Variants in NDC1 observed in about 807,000 individuals in gnomAD.
The protein encoded by NDC1 is NDC1 transmembrane nucleoporin, also known as nucleoporin NDC1.
A neutral mutation model predicts 89.8 loss-of-function variants in NDC1; 24 were observed. That is an observed-to-expected ratio of 0.27 (90% confidence interval 0.19 to 0.38). The LOEUF is 0.38. Ranked by LOEUF, NDC1 falls within the 10% of genes least tolerant of loss-of-function variation. The pLI is 1.00. For synonymous variants in NDC1, 296 were observed against 284.8 expected, an observed-to-expected ratio of 1.04 and a Z score of -0.39; for missense variants, 728 against 797.6, an observed-to-expected ratio of 0.91 and a Z score of 1.05.
rs541028143 is a variant in NDC1 at position 53,798,986 on chromosome 1, G to A, written c.1222+1707C>T. On this transcript the variant is annotated intron_variant, in intron 11 of 17. Transcript: ENST00000371429. ...TGAGACAAATTTTGGCTGAGTGATG[G>A]TATATGACAAAAACTTACAATAATG... Among the ~76,000 whole-genome samples, 258 of 152,186 alleles carry A rather than the reference G, an allele frequency of 1.7e-3. 1 individual carries two copies. The highest frequency in any genetic ancestry group is 2.0e-3 in the Non-Finnish European group (137 of 67,996).
intron 13 of NDC1, among the ~76,000 whole-genome samples, chr1:53,796,243 A>G (rs1337642583): frequency 1.3e-5 from 2 of 152,170 alleles, no homozygotes; most frequent in African/African-American, 4.8e-5. Context: ...TGACCTGTTG[A>G]GATGCATCTT....
intron 7 of NDC1, among the ~76,000 whole-genome samples, chr1:53,809,256 T>C (rs1648218337): frequency 6.6e-6 from 1 of 152,248 alleles, no homozygotes. Context: ...TTGTATAGTA[T>C]AAAAGCTGCA....
chr1:53,784,822 G>A (rs2100634636), intron 16 of NDC1, among the ~76,000 whole-genome samples: 1 of 152,020 alleles, frequency 6.6e-6, no homozygotes, highest in African/African-American at 2.4e-5. Context: ...GCTGGGCATA[G>A]TGGCATGTGC....
Sources: allele counts gnomAD v4.1 joint callset (sites outside exome capture counted in the v4.1 genomes callset), GRCh38; gene constraint gnomAD v4.1.1; transcripts MANE v1.5; gene names NCBI Gene and HGNC (gene_info 2026-07-23, HGNC 2026-07-21).